KLHL29: variants seen among roughly 807,000 people sequenced by gnomAD.
KLHL29 encodes the protein kelch like family member 29, also known as kelch-like protein 29.
KLHL29 carries 21 observed loss-of-function variants against 80.4 expected under a neutral mutation model. The observed-to-expected ratio is 0.26, with a 90% confidence interval of 0.19 to 0.38. The LOEUF is 0.38. KLHL29 is among the 10% of genes least tolerant of loss of function. The pLI is 1.00. For missense variants in KLHL29, 867 were observed against 1,223.9 expected (o/e 0.71, Z 4.35); for synonymous variants, 511 against 526.8 (o/e 0.97, Z 0.41).
chr2:23,473,508 A>G lies in KLHL29; in HGVS notation c.-153-2052A>G, dbSNP rs913617677. On this transcript the variant is annotated intron_variant, in intron 1 of 13. Transcript: ENST00000486442. ...GTTTATTTTTGTTCAGAACTGTTTC[A>G]GTTGTCTCCCCTAGAGGTAGGGACC... Among the ~76,000 whole-genome samples, 61 of 152,222 alleles carry G rather than the reference A, an allele frequency of 4.0e-4. No homozygotes were observed. In the Middle Eastern group the frequency reaches 0.014, roughly 34 times the overall value.
chr2:23,561,456 G>A (rs73919757), intron 2 of KLHL29, among the ~76,000 whole-genome samples: 1,977 of 152,140 alleles, frequency 0.013, 36 homozygotes, highest in African/African-American at 0.044. Flanking sequence ...CTCTGATGCC[G>A]CCCGAGATCA....
chr2:23,453,851 G>T (rs137927477), intron 1 of KLHL29, among the ~76,000 whole-genome samples: 169 of 152,172 alleles, frequency 1.1e-3, no homozygotes, highest in East Asian at 8.5e-3. Flanking sequence ...CTTACAATGG[G>T]CAAACTCTAG....
intron 3 of KLHL29, among the ~76,000 whole-genome samples, chr2:23,604,938 C>A (rs1451337130): frequency 1.3e-5 from 2 of 152,132 alleles, no homozygotes; most frequent in East Asian, 3.9e-4. Context: ...AAGGGCCAGG[C>A]CCCTCTGATG....
intron 1 of KLHL29, among the ~76,000 whole-genome samples, chr2:23,460,021 A>G (rs948588162): frequency 6.6e-6 from 1 of 152,236 alleles, no homozygotes; most frequent in African/African-American, 2.4e-5. Context: ...TCAAAATTTT[A>G]CTTTCAAATG....
At chr2:23,668,548 A>T in intron 5 of KLHL29, 1 of 152,534 alleles carries the variant, frequency 6.6e-6, no homozygotes, top group Non-Finnish European at 1.5e-5. Flanking sequence ...GCAGAAGTCC[A>T]GGGAGGAGGG....
intron 3 of KLHL29, among the ~76,000 whole-genome samples, chr2:23,632,672 T>C (rs1241669511): frequency 6.6e-6 from 1 of 152,190 alleles, no homozygotes; most frequent in Non-Finnish European, 1.5e-5. Context: ...AATTTGCTCT[T>C]GCTGTTCTCA....
chr2:23,393,315 C>G (rs1296015253), intron 1 of KLHL29, among the ~76,000 whole-genome samples: 1 of 152,184 alleles, frequency 6.6e-6, no homozygotes, highest in Non-Finnish European at 1.5e-5. Flanking sequence ...GGGCATATAT[C>G]TATTAAATAT....
intron 11 of KLHL29, among the ~76,000 whole-genome samples, chr2:23,702,467 G>T (rs1396480587): frequency 6.6e-6 from 1 of 152,138 alleles, no homozygotes; most frequent in East Asian, 1.9e-4. Context: ...CTAAGTCGGG[G>T]ACTGTCTGCA....
At position 23,479,035 on chromosome 2, in the gene KLHL29, A is replaced by C. The variant is rs1664715512; in HGVS notation, c.-46+3368A>C. 3.4e-5 allele frequency among the ~76,000 whole-genome samples: 5 copies of C among 145,918 alleles called. No individual in the cohort carries two copies. In the South Asian group the frequency reaches 6.8e-4, roughly 20 times the overall value. ...TACTTCCTGAGCTCTCCCCTTGTCC[A>C]CTCCCCTCTTGGCCTCCGTGGTGTC... On this transcript the variant is annotated intron_variant, in intron 2 of 13. Transcript: ENST00000486442.
intron 1 of KLHL29, among the ~76,000 whole-genome samples, chr2:23,468,097 A>C (rs897371342): frequency 1.2e-4 from 19 of 152,182 alleles, no homozygotes; most frequent in Non-Finnish European, 7.3e-5. Flanking sequence ...ATGGTAGAAC[A>C]TTCAACTCTC....
chr2:23,572,647 C>G (rs1329432512), intron 3 of KLHL29, among the ~76,000 whole-genome samples: 1 of 151,624 alleles, frequency 6.6e-6, no homozygotes, highest in Non-Finnish European at 1.5e-5. Context: ...ATCATCTCAA[C>G]TTACCTACTA....
At chr2:23,663,413 GGCCGCCCCGCGGCTCC>G (rs1365784110) in intron 5 of KLHL29, among the ~76,000 whole-genome samples, 1 of 152,216 alleles carries the variant, frequency 6.6e-6, no homozygotes, top group African/African-American at 2.4e-5. Context: ...CGTCCACTCG[GGCCGCCCCGCGGCTCC>G]GCCGTCACGT....
intron 2 of KLHL29, among the ~76,000 whole-genome samples, chr2:23,538,490 C>T (rs1345447636): frequency 1.3e-5 from 2 of 152,220 alleles, no homozygotes; most frequent in Admixed American, 6.5e-5. Flanking sequence ...TTGTCAGCTC[C>T]TTGCTACCCA....
chr2:23,597,409 T>TA (rs1668454974), intron 3 of KLHL29, among the ~76,000 whole-genome samples: 3 of 18,166 alleles, frequency 1.7e-4, no homozygotes, highest in African/African-American at 4.6e-4. Flanking sequence ...ATATATATAT[T>TA]TTTTTTTTTT....
intron 5 of KLHL29, among the ~76,000 whole-genome samples, chr2:23,646,226 T>C (rs1669926663): frequency 6.6e-6 from 1 of 152,132 alleles, no homozygotes; most frequent in African/African-American, 2.4e-5. Flanking sequence ...GTGGCCAAGC[T>C]CAGGCCTCGG....
chr2:23,539,569 G>A (rs777548653), intron 2 of KLHL29, among the ~76,000 whole-genome samples: 1 of 151,082 alleles, frequency 6.6e-6, no homozygotes, highest in African/African-American at 2.4e-5. Context: ...AGCCTTCTGA[G>A]TTGCTGGGAC....
chr2:23,658,398 TGATTAGAGGGGGGCAGCA>T (rs1434921032), intron 5 of KLHL29, among the ~76,000 whole-genome samples: 2 of 152,064 alleles, frequency 1.3e-5, no homozygotes, highest in Admixed American at 1.3e-4. Context: ...CACCAATTGC[TGATTAGAGGGGGGCAGCA>T]GATTAGAGGG....
At chr2:23,404,188 A>C (rs1666670027) in intron 1 of KLHL29, among the ~76,000 whole-genome samples, 1 of 152,114 alleles carries the variant, frequency 6.6e-6, no homozygotes, top group Non-Finnish European at 1.5e-5. Context: ...ACATAATTTT[A>C]TTATTTTCAA....
intron 5 of KLHL29, among the ~76,000 whole-genome samples, chr2:23,649,941 C>T (rs1470457861): frequency 6.6e-6 from 1 of 152,178 alleles, no homozygotes; most frequent in East Asian, 1.9e-4. Flanking sequence ...GAGTCATGTC[C>T]CCTCCCTCCC....
Sources: gnomAD v4.1 joint callset for allele counts (sites outside exome capture counted in the v4.1 genomes callset) on GRCh38, gnomAD v4.1.1 for gene constraint, MANE v1.5 for transcripts, NCBI Gene and HGNC (gene_info 2026-07-23, HGNC 2026-07-21) for gene names.